The following KAZN variants were observed in gnomAD, a reference collection of about 807,000 sequenced individuals.
KAZN encodes the protein kazrin, periplakin interacting protein.
Under a neutral mutation model 87.4 loss-of-function variants are expected in KAZN, and 40 were observed. That is an observed-to-expected ratio of 0.46 (90% CI 0.36 to 0.60). The LOEUF is 0.60. KAZN is among the 20% of genes least tolerant of loss of function. The pLI is 0.00. For synonymous variants in KAZN, 466 were observed against 458.3 expected, an observed-to-expected ratio of 1.02 and a Z score of -0.22; for missense variants, 898 against 1,073.9, an observed-to-expected ratio of 0.84 and a Z score of 2.29.
At chr1:13,893,487 G>A (rs1227620035) in exon 1 of KAZN, 1 of 1,072,444 alleles carries the variant, frequency 9.3e-7, no homozygotes, top group Non-Finnish European at 1.3e-6. Context: ...GAGAAAAACT[G>A]CAAGGAAAGG....
At chr1:13,893,879 T>A (rs1169706430) in intron 1 of KAZN, 2 of 1,187,326 alleles carry the variant, frequency 1.7e-6, no homozygotes, top group Non-Finnish European at 2.3e-6. Context: ...TCTTTCTTGA[T>A]ATAATGTGGG....
rs147082108 is a variant in KAZN, at chr1:14,457,819, G to GTTT, written c.250-141162_250-141160dup. Among the ~76,000 whole-genome samples, 15 of 136,938 alleles carry GTTT rather than the reference G, an allele frequency of 1.1e-4. 3 individuals carry two copies. The highest frequency in any genetic ancestry group is 1.5e-4 in the African/African-American group (5 of 32,976). 89.8% of individuals were successfully genotyped at this position (136,938 alleles called of 152,430 possible). A position where few individuals can be genotyped will look rare whatever the true frequency, so the allele number is the denominator to read the frequency against. ...ATATTCTTTTTTGTTGTTGTTTTTT[G>GTTT]TTTTGTTTTTTTTTTTGAAACGGAA... On this transcript the variant is annotated intron_variant, in intron 2 of 16. Transcript: ENST00000636203.
chr1:14,268,918 A>G (rs995277220), intron 2 of KAZN, among the ~76,000 whole-genome samples: 4 of 152,360 alleles, frequency 2.6e-5, no homozygotes, highest in East Asian at 3.9e-4. Flanking sequence ...GGATAAGTCT[A>G]TCTCTCACGC....
At chr1:14,818,085 C>T (rs1168058462) in intron 1 of KAZN, among the ~76,000 whole-genome samples, 1 of 152,262 alleles carries the variant, frequency 6.6e-6, no homozygotes, top group African/African-American at 2.4e-5. Context: ...CATCATCCTT[C>T]TCTTCCCCTC....
chr1:14,918,746 A>ATATC (rs1658180122), intron 1 of KAZN, among the ~76,000 whole-genome samples: 1 of 129,816 alleles, frequency 7.7e-6, no homozygotes, highest in Non-Finnish European at 1.6e-5. Context: ...ATATATATAT[A>ATATC]TATCCTGGGA....
At chr1:15,105,099 T>G (rs1641248764) in intron 13 of KAZN, among the ~76,000 whole-genome samples, 1 of 152,252 alleles carries the variant, frequency 6.6e-6, no homozygotes, top group South Asian at 2.1e-4. Context: ...TCTATATTTA[T>G]AAGGGATATT....
chr1:14,922,478 T>C (rs1199859270), intron 1 of KAZN, among the ~76,000 whole-genome samples: 4 of 152,122 alleles, frequency 2.6e-5, no homozygotes, highest in Non-Finnish European at 5.9e-5. Context: ...TGGGTACTTT[T>C]CTTCCACAGC....
chr1:14,125,387 T>C (rs1228289220), intron 1 of KAZN, among the ~76,000 whole-genome samples: 1 of 152,128 alleles, frequency 6.6e-6, no homozygotes, highest in African/African-American at 2.4e-5. Flanking sequence ...GATGGTGACC[T>C]TGATTGGAAA....
intron 1 of KAZN, among the ~76,000 whole-genome samples, chr1:13,939,510 C>T (rs1640856535): frequency 6.6e-6 from 1 of 152,212 alleles, no homozygotes; most frequent in African/African-American, 2.4e-5. Context: ...TGGTCACAAC[C>T]ATTTAACCAG....
chr1:13,960,486 C>T (rs1641708865), intron 1 of KAZN, among the ~76,000 whole-genome samples: 1 of 152,112 alleles, frequency 6.6e-6, no homozygotes, highest in Admixed American at 6.6e-5. Flanking sequence ...TCCCACTTGC[C>T]GGGCCACAGA....
intron 2 of KAZN, among the ~76,000 whole-genome samples, chr1:14,429,296 A>T (rs1410753): frequency 2.0e-5 from 3 of 151,958 alleles, no homozygotes; most frequent in Admixed American, 1.3e-4. Context: ...CAAAGGGATG[A>T]GGGCCCTATT....
chr1:14,812,868 C>T (rs556398777), intron 1 of KAZN, among the ~76,000 whole-genome samples: 11 of 152,212 alleles, frequency 7.2e-5, no homozygotes, highest in African/African-American at 2.2e-4. Flanking sequence ...TCTGACCAAG[C>T]GTGGCTGGCA....
At chr1:14,611,339 T>TA (rs1263043081) in intron 1 of KAZN, among the ~76,000 whole-genome samples, 48 of 152,376 alleles carry the variant, frequency 3.2e-4, no homozygotes, top group Non-Finnish European at 1.9e-4. Context: ...TTTGAAGATC[T>TA]ATTTATAATG....
At chr1:14,832,385 T>TA (rs1377914959) in intron 1 of KAZN, among the ~76,000 whole-genome samples, 1 of 152,106 alleles carries the variant, frequency 6.6e-6, no homozygotes, top group South Asian at 2.1e-4. Context: ...AACACATCCT[T>TA]ACTGCTCAGC....
intron 1 of KAZN, among the ~76,000 whole-genome samples, chr1:13,896,631 A>G (rs1639055828): frequency 6.6e-6 from 1 of 152,154 alleles, no homozygotes; most frequent in Non-Finnish European, 1.5e-5. Flanking sequence ...TCCATAGGCA[A>G]AGGAAATACA....
intron 2 of KAZN, among the ~76,000 whole-genome samples, chr1:14,236,450 T>C (rs1030797468): frequency 2.0e-5 from 3 of 152,176 alleles, no homozygotes; most frequent in Non-Finnish European, 2.9e-5. Flanking sequence ...CTTCCTTTCA[T>C]GGGACCACAG....
chr1:14,273,600 A>G (rs1652121119), intron 2 of KAZN, among the ~76,000 whole-genome samples: 1 of 152,232 alleles, frequency 6.6e-6, no homozygotes, highest in Non-Finnish European at 1.5e-5. Context: ...GGCAAGAAAA[A>G]TGCTAATAAA....
chr1:14,851,252 C>G (rs1649400066), intron 1 of KAZN, among the ~76,000 whole-genome samples: 1 of 152,190 alleles, frequency 6.6e-6, no homozygotes, highest in Admixed American at 6.5e-5. Flanking sequence ...CACATTGAGC[C>G]TGGGCCTGCC....
chr1:14,014,042 G>A (rs1640447892), intron 1 of KAZN, among the ~76,000 whole-genome samples: 1 of 152,144 alleles, frequency 6.6e-6, no homozygotes, highest in African/African-American at 2.4e-5. Flanking sequence ...GCTTTAGGCT[G>A]CTCCATTGAA....
Sources: allele counts gnomAD v4.1 joint callset (sites outside exome capture counted in the v4.1 genomes callset), GRCh38; gene constraint gnomAD v4.1.1; transcripts MANE v1.5; gene names NCBI Gene and HGNC (gene_info 2026-07-23, HGNC 2026-07-21).